Variants in CTNNA3 observed in about 807,000 individuals in gnomAD.
CTNNA3 encodes the protein catenin alpha 3.
A neutral mutation model predicts 95.7 loss-of-function variants in CTNNA3; 76 were observed. The ratio of observed to expected loss-of-function variants is 0.79; its 90% confidence interval spans 0.66 to 0.96. The LOEUF (loss-of-function observed/expected upper bound fraction) is 0.96. Ranked by LOEUF, CTNNA3 falls within the 40% of genes least tolerant of loss-of-function variation. The pLI is 0.00. For synonymous variants in CTNNA3, 431 were observed against 374.4 expected (o/e 1.15, Z -1.74); for missense variants, 1,191 against 1,089.8 (o/e 1.09, Z -1.31).
chr10:66,991,512 CAAAT>C (rs1264824865), intron 7 of CTNNA3, among the ~76,000 whole-genome samples: 2 of 152,076 alleles, frequency 1.3e-5, no homozygotes, highest in Non-Finnish European at 2.9e-5. Flanking sequence ...AGTACACTAA[CAAAT>C]AAAACATTTT....
In CTNNA3 at chr10:66,233,504, G is replaced by T. The variant is rs1344389845; in HGVS notation, c.1884+46966C>A. ...TAAAAATCAGATAACTTATTTATGA[G>T]TGTCTTAAATAGGTACTTTACAAAA... On this transcript the variant is annotated intron_variant, in intron 13 of 17. Transcript: ENST00000433211. 3.3e-5 allele frequency among the ~76,000 whole-genome samples: 5 copies of T among 152,114 alleles called. No homozygotes were observed. The South Asian group carries it at 6.2e-4, about 19-fold the overall frequency.
chr10:65,966,174 C>T (rs2077960736), intron 17 of CTNNA3, among the ~76,000 whole-genome samples: 1 of 152,084 alleles, frequency 6.6e-6, no homozygotes. Context: ...AATCTCAAGA[C>T]ATGAACATCT....
intron 5 of CTNNA3, among the ~76,000 whole-genome samples, chr10:67,336,074 G>A (rs1461051597): frequency 6.6e-6 from 1 of 151,872 alleles, no homozygotes; most frequent in Non-Finnish European, 1.5e-5. Context: ...TAATTGTTGT[G>A]GGGCACCATG....
intron 10 of CTNNA3, among the ~76,000 whole-genome samples, chr10:66,588,133 T>G (rs1248960983): frequency 6.6e-6 from 1 of 151,962 alleles, no homozygotes; most frequent in Non-Finnish European, 1.5e-5. Flanking sequence ...CCGCTTCTTC[T>G]CACCCCATCA....
intron 5 of CTNNA3, among the ~76,000 whole-genome samples, chr10:67,513,046 CA>C (rs1342937070): frequency 6.6e-6 from 1 of 152,112 alleles, no homozygotes; most frequent in African/African-American, 2.4e-5. Flanking sequence ...GAATTATTTT[CA>C]TTTACTGGCA....
chr10:67,122,818 C>T (rs561339385), intron 7 of CTNNA3, among the ~76,000 whole-genome samples: 1 of 152,034 alleles, frequency 6.6e-6, no homozygotes, highest in African/African-American at 2.4e-5. Context: ...ACAGGAGCAT[C>T]GGTCTGATGA....
intron 1 of CTNNA3, among the ~76,000 whole-genome samples, chr10:67,753,837 G>A (rs949934792): frequency 6.6e-6 from 1 of 152,168 alleles, no homozygotes; most frequent in Non-Finnish European, 1.5e-5. Context: ...AGGCTGTGGA[G>A]GAATAGGAAC....
At chr10:67,643,049 T>G (rs758886126) in intron 2 of CTNNA3, among the ~76,000 whole-genome samples, 3 of 152,086 alleles carry the variant, frequency 2.0e-5, no homozygotes, top group Non-Finnish European at 4.4e-5. Flanking sequence ...CTATTCACAA[T>G]AGCAAAGACA....
intron 7 of CTNNA3, among the ~76,000 whole-genome samples, chr10:66,871,992 T>C (rs941197455): frequency 1.3e-5 from 2 of 152,188 alleles, no homozygotes; most frequent in East Asian, 1.9e-4. Context: ...AAGGTATAAA[T>C]TCTGAGACTA....
At chr10:66,395,082 T>C (rs2092965320) in intron 11 of CTNNA3, among the ~76,000 whole-genome samples, 1 of 152,080 alleles carries the variant, frequency 6.6e-6, no homozygotes, top group Non-Finnish European at 1.5e-5. Context: ...GAAAATACAG[T>C]ATCTCTCCAC....
intron 5 of CTNNA3, among the ~76,000 whole-genome samples, chr10:67,323,539 ATTT>A (rs1841413665): frequency 6.6e-6 from 1 of 152,032 alleles, no homozygotes; most frequent in East Asian, 1.9e-4. Context: ...GTGTGGCCTT[ATTT>A]CTGGGTTCTC....
intron 11 of CTNNA3, among the ~76,000 whole-genome samples, chr10:66,469,433 A>G (rs1283267390): frequency 6.6e-6 from 1 of 151,916 alleles, no homozygotes; most frequent in Non-Finnish European, 1.5e-5. Flanking sequence ...GCTGTAACCC[A>G]GAGAACAAGA....
rs886611989 is a variant in CTNNA3, at chr10:66,069,377, G to A, written c.2090C>T (p.Thr697Ile). 2 of 1,613,596 alleles carry A rather than the reference G, an allele frequency of 1.2e-6. No homozygotes were observed. The highest frequency in any genetic ancestry group is 1.7e-6 in the Non-Finnish European group (2 of 1,179,700). Reference protein sequence around the residue: ...LDAEIEIWDDTSNDIIVLAKN... With the variant: ...LDAEIEIWDDISNDIIVLAKN... ...GGCCAGAACAATGATGTCGTTGCTT[G>A]TATCATCCCATATCTCAATCTCAGC... Residue 697 changes from threonine to isoleucine, a missense_variant, in exon 15 of 18, where the codon ACA becomes ATA. By Grantham distance (89) the Thr-to-Ile change is moderately conservative (BLOSUM62 -1). Coordinates refer to ENST00000433211, the MANE Select transcript of CTNNA3 (RefSeq NM_013266.4).
intron 17 of CTNNA3, among the ~76,000 whole-genome samples, chr10:65,956,671 G>T (rs2077738144): frequency 6.6e-6 from 1 of 152,204 alleles, no homozygotes; most frequent in Non-Finnish European, 1.5e-5. Flanking sequence ...GGAGCAGGTT[G>T]CTCAGTATCC....
chr10:66,692,870 T>C (rs1847605178), intron 9 of CTNNA3, among the ~76,000 whole-genome samples: 2 of 152,072 alleles, frequency 1.3e-5, no homozygotes, highest in African/African-American at 4.8e-5. Context: ...CTAAGCTTCA[T>C]AAGTGAAGGA....
intron 13 of CTNNA3, among the ~76,000 whole-genome samples, chr10:66,266,494 C>A (rs572524583): frequency 1.3e-5 from 2 of 152,152 alleles, no homozygotes; most frequent in East Asian, 3.9e-4. Flanking sequence ...TTTGCATTTA[C>A]ATCTCCTACT....
chr10:67,707,139 C>T (rs1369785408), intron 1 of CTNNA3, among the ~76,000 whole-genome samples: 1 of 152,174 alleles, frequency 6.6e-6, no homozygotes, highest in Non-Finnish European at 1.5e-5. Flanking sequence ...ACTATTCCAA[C>T]ATTGGTAGCC....
chr10:67,339,870 T>C (rs1842118491), intron 5 of CTNNA3, among the ~76,000 whole-genome samples: 1 of 152,170 alleles, frequency 6.6e-6, no homozygotes, highest in Non-Finnish European at 1.5e-5. Flanking sequence ...TAAGAACTGT[T>C]CAGTTGGAAT....
intron 5 of CTNNA3, among the ~76,000 whole-genome samples, chr10:67,310,845 A>G (rs1840762681): frequency 6.6e-6 from 1 of 152,210 alleles, no homozygotes. Context: ...TATGGAAACT[A>G]TAATTCAAGA....
Sources: allele counts gnomAD v4.1 joint callset (sites outside exome capture counted in the v4.1 genomes callset), GRCh38; gene constraint gnomAD v4.1.1; transcripts MANE v1.5; gene names NCBI Gene and HGNC (gene_info 2026-07-23, HGNC 2026-07-21).